The following PTPRM variants were observed in gnomAD, a reference collection of about 807,000 sequenced individuals.
PTPRM encodes the protein protein tyrosine phosphatase receptor type M, also known as receptor-type tyrosine-protein phosphatase mu.
PTPRM carries 47 observed loss-of-function variants against 186.7 expected under a neutral mutation model. That is an observed-to-expected ratio of 0.25 (90% CI 0.20 to 0.32). The LOEUF is 0.32. Among genes scored for constraint, PTPRM ranks in the 10% least tolerant of loss-of-function variants. The pLI is 1.00. For missense variants in PTPRM, 1,494 were observed against 1,865.0 expected (o/e 0.80, Z 3.66); for synonymous variants, 668 against 674.9 (o/e 0.99, Z 0.16).
chr18:7,951,632 G>T (rs560977296), intron 6 of PTPRM, among the ~76,000 whole-genome samples: 3 of 151,922 alleles, frequency 2.0e-5, no homozygotes, highest in Admixed American at 2.0e-4. Flanking sequence ...TTCCATTTCC[G>T]CACACTGCCA....
At chr18:7,762,820 A>G (rs1195469500) in intron 1 of PTPRM, among the ~76,000 whole-genome samples, 1 of 152,238 alleles carries the variant, frequency 6.6e-6, no homozygotes, top group Non-Finnish European at 1.5e-5. Flanking sequence ...TATAGGCAAG[A>G]TAAAGAAAGA....
At chr18:8,215,545 CTTTTTTT>C (rs11334182) in intron 14 of PTPRM, among the ~76,000 whole-genome samples, 2 of 116,324 alleles carry the variant, frequency 1.7e-5, no homozygotes, top group Non-Finnish European at 3.6e-5. Flanking sequence ...TCTTTCTTTT[CTTTTTTT>C]TTTTTTTTTT....
At chr18:7,744,332 GA>G (rs895839752) in intron 1 of PTPRM, among the ~76,000 whole-genome samples, 1 of 152,150 alleles carries the variant, frequency 6.6e-6, no homozygotes, top group African/African-American at 2.4e-5. Context: ...CTAGGAAACT[GA>G]AATGGCAGGT....
chr18:7,665,003 A>G (rs2039064784), intron 1 of PTPRM, among the ~76,000 whole-genome samples: 1 of 152,078 alleles, frequency 6.6e-6, no homozygotes, highest in African/African-American at 2.4e-5. Context: ...GACGAGAAGT[A>G]TGTATTGGAC....
intron 1 of PTPRM, among the ~76,000 whole-genome samples, chr18:7,665,130 T>C (rs2039067274): frequency 6.6e-6 from 1 of 152,206 alleles, no homozygotes. Context: ...GGGATTGCAA[T>C]TAATTTGCTA....
At chr18:8,174,102 A>G (rs2093447184) in intron 14 of PTPRM, among the ~76,000 whole-genome samples, 1 of 151,978 alleles carries the variant, frequency 6.6e-6, no homozygotes, top group African/African-American at 2.4e-5. Context: ...ATTTTACAAT[A>G]GTGGTGTTAT....
intron 3 of PTPRM, among the ~76,000 whole-genome samples, chr18:7,895,564 C>T (rs1256434735): frequency 6.6e-6 from 1 of 152,188 alleles, no homozygotes; most frequent in African/African-American, 2.4e-5. Context: ...ACTTGTTTGA[C>T]TGCATCTCAA....
Position 8,345,046 on chromosome 18 carries a change from A to AG in PTPRM, c.3054+1526_3054+1527insG. On this transcript the variant is annotated intron_variant, in intron 23 of 32. Transcript: ENST00000580170. ...GGCCAACTCCAGGGTCAAAGTAAAC[A>AG]CCTAATAAAATCAGAAAATAATTAG... is the stretch of plus-strand genomic sequence containing the variant. Among the ~76,000 whole-genome samples, 2 of 152,294 alleles carry AG rather than the reference A, an allele frequency of 1.3e-5. 1 individual carries two copies.
At chr18:7,627,354 G>A (rs946881752) in intron 1 of PTPRM, among the ~76,000 whole-genome samples, 13 of 152,208 alleles carry the variant, frequency 8.5e-5, no homozygotes, top group Non-Finnish European at 1.9e-4. Context: ...GCCAGGCGGG[G>A]AAGCATTTTA....
intron 14 of PTPRM, among the ~76,000 whole-genome samples, chr18:8,176,013 G>A (rs1390819526): frequency 1.3e-5 from 2 of 152,168 alleles, no homozygotes; most frequent in African/African-American, 4.8e-5. Context: ...AGCATTTTAA[G>A]AGTTAAAGGC....
intron 21 of PTPRM, among the ~76,000 whole-genome samples, chr18:8,315,681 T>C (rs1471811701): frequency 6.6e-6 from 1 of 152,198 alleles, no homozygotes. Flanking sequence ...ATAGACAGGA[T>C]TGATCCATAT....
At chr18:7,818,835 G>A (rs897906308) in intron 2 of PTPRM, among the ~76,000 whole-genome samples, 3 of 152,242 alleles carry the variant, frequency 2.0e-5, no homozygotes, top group African/African-American at 7.2e-5. Context: ...TGTGAACACA[G>A]CTCCTGCTGT....
intron 24 of PTPRM, among the ~76,000 whole-genome samples, chr18:8,373,179 T>C (rs924573036): frequency 1.3e-5 from 2 of 152,222 alleles, no homozygotes; most frequent in Non-Finnish European, 2.9e-5. Context: ...TGTAGAGCAT[T>C]TCTTATAGGT....
At chr18:8,251,870 A>G (rs2147379263) in intron 17 of PTPRM, 1 of 152,370 alleles carries the variant, frequency 6.6e-6, no homozygotes, top group African/African-American at 2.4e-5. Context: ...TAAAACTTGA[A>G]TATATCTTTT....
At chr18:7,636,058 G>C (rs1457665183) in intron 1 of PTPRM, among the ~76,000 whole-genome samples, 2 of 152,198 alleles carry the variant, frequency 1.3e-5, no homozygotes, top group African/African-American at 4.8e-5. Flanking sequence ...TCTGTTTTCT[G>C]ACTGTGCACT....
intron 4 of PTPRM, among the ~76,000 whole-genome samples, chr18:7,910,439 G>A (rs1038455207): frequency 1.3e-5 from 2 of 152,200 alleles, no homozygotes; most frequent in Non-Finnish European, 2.9e-5. Flanking sequence ...GGAGCTGCCC[G>A]AGCAAGTGGC....
chr18:7,895,509 C>T (rs1454447920), intron 3 of PTPRM, among the ~76,000 whole-genome samples: 1 of 152,176 alleles, frequency 6.6e-6, no homozygotes, highest in Non-Finnish European at 1.5e-5. Context: ...TACAGCACTG[C>T]AAGGTGAGGT....
intron 1 of PTPRM, among the ~76,000 whole-genome samples, chr18:7,682,838 G>C (rs988785144): frequency 2.6e-5 from 4 of 151,986 alleles, no homozygotes; most frequent in African/African-American, 7.3e-5. Flanking sequence ...CTTGGGCATT[G>C]GGGGGGTGCA....
intron 1 of PTPRM, among the ~76,000 whole-genome samples, chr18:7,715,199 C>G (rs1316254532): frequency 1.3e-5 from 2 of 152,160 alleles, no homozygotes; most frequent in African/African-American, 4.8e-5. Context: ...AAGGCTGGTT[C>G]AACATACACG....
Sources: allele counts gnomAD v4.1 joint callset (sites outside exome capture counted in the v4.1 genomes callset), GRCh38; gene constraint gnomAD v4.1.1; transcripts MANE v1.5; gene names NCBI Gene and HGNC (gene_info 2026-07-23, HGNC 2026-07-21).